The following GLI3 variants were observed in gnomAD, a reference collection of about 807,000 sequenced individuals.
GLI3 encodes GLI family zinc finger 3, also known as transcription activator GLI3.
Under a neutral mutation model 100.8 loss-of-function variants are expected in GLI3, and 20 were observed. The observed-to-expected ratio is 0.20, with a 90% confidence interval of 0.14 to 0.29. The LOEUF (loss-of-function observed/expected upper bound fraction) is 0.29. Among genes scored for constraint, GLI3 ranks in the 10% least tolerant of loss-of-function variants. GLI3 has a pLI of 1.00. For missense variants in GLI3, 2,040 were observed against 2,128.5 expected (o/e 0.96, Z 0.82); for synonymous variants, 938 against 860.5 (o/e 1.09, Z -1.58).
At chr7:42,120,014 C>T (rs1166946940) in intron 3 of GLI3, among the ~76,000 whole-genome samples, 1 of 152,172 alleles carries the variant, frequency 6.6e-6, no homozygotes, top group Non-Finnish European at 1.5e-5. Context: ...GAGTTGTCTC[C>T]ATCTGTATTT....
intron 2 of GLI3, among the ~76,000 whole-genome samples, chr7:42,188,658 C>T (rs1399917034): frequency 6.6e-6 from 1 of 152,134 alleles, no homozygotes; most frequent in African/African-American, 2.4e-5. Context: ...GAATATTACT[C>T]AGTGCTGAAA....
chr7:41,983,447 A>G (rs1333008352), intron 10 of GLI3, among the ~76,000 whole-genome samples: 1 of 152,234 alleles, frequency 6.6e-6, no homozygotes, highest in African/African-American at 2.4e-5. Flanking sequence ...GTGATAGGCA[A>G]TGAATTCTTA....
intron 4 of GLI3, among the ~76,000 whole-genome samples, chr7:42,051,557 A>G (rs986943242): frequency 2.0e-5 from 3 of 152,224 alleles, no homozygotes; most frequent in Non-Finnish European, 4.4e-5. Context: ...TTATATACAC[A>G]TGTGTATATG....
intron 2 of GLI3, among the ~76,000 whole-genome samples, chr7:42,174,052 T>TA (rs943935572): frequency 6.6e-5 from 10 of 152,100 alleles, no homozygotes; most frequent in South Asian, 2.1e-4. Context: ...TTTGATTTTC[T>TA]AAAAAAAATT....
At chr7:42,074,547 T>TAAGCAGGAG (rs986618837) in intron 4 of GLI3, among the ~76,000 whole-genome samples, 1 of 152,018 alleles carries the variant, frequency 6.6e-6, no homozygotes, top group African/African-American at 2.4e-5. Context: ...AGGATGAATA[T>TAAGCAGGAG]AAGCAGGAGT....
intron 4 of GLI3, among the ~76,000 whole-genome samples, chr7:42,054,721 T>G (rs1457454203): frequency 1.3e-5 from 2 of 152,130 alleles, no homozygotes; most frequent in Non-Finnish European, 1.5e-5. Context: ...CAGTGGCTCC[T>G]GCCTTTAATA....
intron 10 of GLI3, among the ~76,000 whole-genome samples, chr7:42,012,509 A>AC (rs1788646933): frequency 6.6e-6 from 1 of 152,190 alleles, no homozygotes; most frequent in Non-Finnish European, 1.5e-5. Flanking sequence ...AATCAGTAGG[A>AC]CCTAGACCAT....
At chr7:42,038,257 G>A (rs846325) in intron 7 of GLI3, among the ~76,000 whole-genome samples, 84,801 of 152,056 alleles carry the variant, frequency 0.56, 25,800 homozygotes, top group African/African-American at 0.82. Context: ...GGGCCAGACT[G>A]GGATGGAGAG....
intron 3 of GLI3, among the ~76,000 whole-genome samples, chr7:42,110,499 A>T (rs547680572): frequency 6.6e-6 from 1 of 152,318 alleles, no homozygotes; most frequent in East Asian, 1.9e-4. Flanking sequence ...CACCTACTTT[A>T]AAACCATGGT....
chr7:42,238,165 C>T (rs1379580974), upstream of GLI3, among the ~76,000 whole-genome samples: 2 of 151,890 alleles, frequency 1.3e-5, no homozygotes, highest in Non-Finnish European at 2.9e-5. Context: ...GAAGGGGGCC[C>T]GGGCGTGATG....
chr7:42,262,452 G>A (rs979037208), intron 1 of GLI3, among the ~76,000 whole-genome samples: 1 of 152,016 alleles, frequency 6.6e-6, no homozygotes, highest in Non-Finnish European at 1.5e-5. Context: ...TAGAGATAGG[G>A]TATAACCATG....
chr7:42,019,070 C>A (rs932891329), intron 10 of GLI3, among the ~76,000 whole-genome samples: 1 of 152,084 alleles, frequency 6.6e-6, no homozygotes, highest in Non-Finnish European at 1.5e-5. Context: ...CACAGAAATA[C>A]GGGGTTGGAT....
chr7:42,226,101 T>C (rs1749851560), intron 1 of GLI3, among the ~76,000 whole-genome samples: 1 of 152,362 alleles, frequency 6.6e-6, no homozygotes, highest in Non-Finnish European at 1.5e-5. Flanking sequence ...AAATATTTAA[T>C]TGATCCAAAC....
chr7:42,002,737 G>A (rs1161464695), intron 10 of GLI3, among the ~76,000 whole-genome samples: 2 of 152,016 alleles, frequency 1.3e-5, no homozygotes, highest in African/African-American at 4.8e-5. Flanking sequence ...CATGTCCAGG[G>A]GCTATAAGAA....
intron 1 of GLI3, among the ~76,000 whole-genome samples, chr7:42,232,719 T>TA (rs1788717801): frequency 6.6e-6 from 1 of 152,232 alleles, no homozygotes. Flanking sequence ...CAACTATAGA[T>TA]ACCACAGATG....
At chr7:42,227,893 T>G (rs1788613825) in intron 1 of GLI3, among the ~76,000 whole-genome samples, 1 of 152,142 alleles carries the variant, frequency 6.6e-6, no homozygotes, top group Non-Finnish European at 1.5e-5. Flanking sequence ...CCCCATTGAT[T>G]ATGGTAATTG....
intron 2 of GLI3, among the ~76,000 whole-genome samples, chr7:42,206,309 A>T (rs983643630): frequency 2.6e-5 from 4 of 151,470 alleles, no homozygotes; most frequent in African/African-American, 9.7e-5. Context: ...ATAATAATAA[A>T]TTCTAAAGGG....
At position 41,966,488 on chromosome 7, in the gene GLI3, C is replaced by A; in HGVS notation, c.2585G>T (p.Arg862Leu). The A allele has an allele frequency of 1.2e-6, 2 of 1,613,182 alleles. No individual in the cohort carries two copies. The highest frequency in any genetic ancestry group is 1.7e-6 in the Non-Finnish European group (2 of 1,179,858). Residue 862 changes from arginine to leucine, a missense_variant, in exon 15 of 15, where the codon CGC (arginine) becomes CTC (leucine). Coordinates refer to ENST00000395925, the MANE Select transcript of GLI3 (RefSeq NM_000168.6). The surrounding 1 kb of genome is among the most constrained non-coding windows in gnomAD (Gnocchi z 5.8). ...STISSAYLSS[R>L]RSSGISPCFS... ...GCAGGGCGAGATCCCTGAGGAGCGG[C>A]GGCTGCTCAGGTAGGCCGAGCTGAT...
chr7:42,039,944 TAGGC>T, intron 7 of GLI3, 90 bp downstream of exon 7: 1 of 924,822 alleles, frequency 1.1e-6, no homozygotes, highest in Non-Finnish European at 1.8e-6. Flanking sequence ...TTCTTCCTCA[TAGGC>T]AGTTGGTACT....
Sources: gnomAD v4.1 joint callset for allele counts (sites outside exome capture counted in the v4.1 genomes callset) on GRCh38, gnomAD v4.1.1 for gene constraint, Gnocchi (gnomAD v3.1) non-coding constraint, MANE v1.5 for transcripts, NCBI Gene and HGNC (gene_info 2026-07-23, HGNC 2026-07-21) for gene names.